The following RBPMS variants were observed in gnomAD, a reference collection of about 807,000 sequenced individuals.
The protein encoded by RBPMS is RNA binding protein, mRNA processing factor.
A neutral mutation model predicts 26.8 loss-of-function variants in RBPMS; 7 were observed. The observed-to-expected ratio is 0.26, with a 90% CI of 0.15 to 0.49. The LOEUF is 0.49. RBPMS is among the 20% of genes least tolerant of loss of function. The probability of loss-of-function intolerance (pLI) is 0.98; values close to 1 mark genes in which losing one functional copy is unlikely to be tolerated. For synonymous variants in RBPMS, 96 were observed against 93.3 expected (o/e 1.03, Z -0.17); for missense variants, 186 against 250.0 (o/e 0.74, Z 1.73).
intron 4 of RBPMS, among the ~76,000 whole-genome samples, chr8:30,500,928 G>C (rs1166965272): frequency 6.6e-6 from 1 of 152,096 alleles, no homozygotes; most frequent in East Asian, 1.9e-4. Flanking sequence ...CCTTCATTGA[G>C]TCTGTCTTCC....
chr8:30,488,558 T>G (rs1819040593), intron 4 of RBPMS, among the ~76,000 whole-genome samples: 1 of 152,140 alleles, frequency 6.6e-6, no homozygotes, highest in East Asian at 1.9e-4. Context: ...ACAAAATGAA[T>G]GGAGGAAAGG....
intron 1 of RBPMS, among the ~76,000 whole-genome samples, chr8:30,418,054 G>A (rs569958380): frequency 6.6e-6 from 1 of 152,228 alleles, no homozygotes; most frequent in African/African-American, 2.4e-5. Flanking sequence ...TTAACCATAT[G>A]TCATTTATAA....
chr8:30,434,549 C>G (rs1812246309), intron 1 of RBPMS, among the ~76,000 whole-genome samples: 1 of 151,816 alleles, frequency 6.6e-6, no homozygotes. Flanking sequence ...ACTCAAAATA[C>G]AAAAATTAGC....
intron 1 of RBPMS, among the ~76,000 whole-genome samples, chr8:30,410,143 TACACACACACACACACACACAC>T (rs34489233): frequency 8.5e-4 from 113 of 132,200 alleles, no homozygotes; most frequent in African/African-American, 2.7e-3. Context: ...TGACTTAAAA[TACACACACACACACACACACAC>T]ACACACACAC....
At position 30,420,056 on chromosome 8, in the gene RBPMS, C is replaced by G. The variant is rs144490156; in HGVS notation, c.66+34898C>G. Among the ~76,000 whole-genome samples, 20 of 152,120 alleles carry G rather than the reference C, an allele frequency of 1.3e-4. No homozygotes were observed. The East Asian group carries it at 3.9e-3, about 29-fold the overall frequency. ...CCTGGGCAACATGGCAAGACCTTGT[C>G]TCAACAAAAGAAACCCAAAGAATTA... On this transcript the variant is annotated intron_variant, in intron 1 of 8. Coordinates refer to ENST00000397323, the MANE Select transcript of RBPMS (RefSeq NM_001008710.3).
chr8:30,430,358 C>G (rs1241342609), intron 1 of RBPMS, among the ~76,000 whole-genome samples: 2 of 152,294 alleles, frequency 1.3e-5, no homozygotes, highest in Non-Finnish European at 2.9e-5. Flanking sequence ...AGTTGTACGT[C>G]TTGGTTCTAT....
chr8:30,430,182 T>C (rs1461804814), intron 1 of RBPMS, among the ~76,000 whole-genome samples: 3 of 152,154 alleles, frequency 2.0e-5, no homozygotes, highest in Non-Finnish European at 4.4e-5. Context: ...ATCATGCCAC[T>C]GCACTCCAGC....
intron 5 of RBPMS, among the ~76,000 whole-genome samples, chr8:30,529,454 A>G (rs936122312): frequency 5.3e-5 from 8 of 150,302 alleles, no homozygotes; most frequent in African/African-American, 1.7e-4. Context: ...GTGAGCTGAG[A>G]TGGTGCCATT....
intron 1 of RBPMS, among the ~76,000 whole-genome samples, chr8:30,439,945 T>C (rs1812887793): frequency 6.6e-6 from 1 of 152,144 alleles, no homozygotes; most frequent in South Asian, 2.1e-4. Context: ...TTTGGGAGGC[T>C]GAGGCGGGAT....
chr8:30,519,456 CTCTTTTTTTTTTTTTTTTT>C (rs1822777724), intron 5 of RBPMS, among the ~76,000 whole-genome samples: 3 of 116,492 alleles, frequency 2.6e-5, no homozygotes, highest in African/African-American at 1.1e-4. Flanking sequence ...GAGGATCTCT[CTCTTTTTTTTTTTTTTTTT>C]TTTTTTTTTT....
chr8:30,502,016 C>T (rs898305130), intron 4 of RBPMS, among the ~76,000 whole-genome samples: 9 of 152,008 alleles, frequency 5.9e-5, no homozygotes, highest in South Asian at 2.1e-4. Flanking sequence ...AACTTAGCTG[C>T]GCAGGATATT....
chr8:30,519,648 T>A (rs1056859009), intron 5 of RBPMS, among the ~76,000 whole-genome samples: 1 of 151,948 alleles, frequency 6.6e-6, no homozygotes, highest in Non-Finnish European at 1.5e-5. Flanking sequence ...TGCGCCCGGC[T>A]AATATTTTTA....
At chr8:30,524,546 TAC>T (rs1475885907) in intron 5 of RBPMS, among the ~76,000 whole-genome samples, 1 of 152,138 alleles carries the variant, frequency 6.6e-6, no homozygotes. Flanking sequence ...CTCCTTCCAC[TAC>T]AGTCCCAGGT....
chr8:30,557,190 G>A (rs957213612), intron 6 of RBPMS, among the ~76,000 whole-genome samples: 4 of 152,182 alleles, frequency 2.6e-5, no homozygotes, highest in Admixed American at 6.5e-5. Context: ...TGACGGAGTC[G>A]TGGTGCAGGC....
At chr8:30,523,627 G>A (rs962860982) in intron 5 of RBPMS, among the ~76,000 whole-genome samples, 1 of 151,092 alleles carries the variant, frequency 6.6e-6, no homozygotes, top group Non-Finnish European at 1.5e-5. Context: ...CCTCAAAATT[G>A]TAACTGTAAA....
At chr8:30,385,432 T>C (rs1408788412) in intron 1 of RBPMS, 4 of 313,604 alleles carry the variant, frequency 1.3e-5, no homozygotes, top group Non-Finnish European at 1.7e-5. Context: ...GATTTATAAG[T>C]GGAACCGAGA....
intron 1 of RBPMS, among the ~76,000 whole-genome samples, chr8:30,419,811 G>T (rs1810543266): frequency 6.6e-6 from 1 of 151,996 alleles, no homozygotes. Flanking sequence ...TCACATAAGG[G>T]ATTCTCACCC....
At chr8:30,528,806 GGTTTTTTGGTTT>G (rs546189683) in intron 5 of RBPMS, among the ~76,000 whole-genome samples, 130 of 152,192 alleles carry the variant, frequency 8.5e-4, no homozygotes, top group African/African-American at 2.9e-3. Context: ...CCAAGGTGGG[GGTTTTTTGGTTT>G]GTTTTTTGGT....
At chr8:30,545,402 C>G in intron 6 of RBPMS, 14 of 1,081,176 alleles carry the variant, frequency 1.3e-5, no homozygotes, top group Non-Finnish European at 1.6e-5. Context: ...TGTAAAGATT[C>G]ACCTCTGGAG....
Sources: gnomAD v4.1 joint callset for allele counts (sites outside exome capture counted in the v4.1 genomes callset) on GRCh38, gnomAD v4.1.1 for gene constraint, MANE v1.5 for transcripts, NCBI Gene and HGNC (gene_info 2026-07-23, HGNC 2026-07-21) for gene names.